LTBP2: variants seen among roughly 807,000 people sequenced by gnomAD.
LTBP2 encodes the protein latent transforming growth factor beta binding protein 2, also known as latent-transforming growth factor beta-binding protein 2.
In LTBP2, 103 loss-of-function variants were observed where a neutral mutation model predicts 210.6. The ratio of observed to expected loss-of-function variants is 0.49; its 90% CI spans 0.42 to 0.58. The LOEUF (loss-of-function observed/expected upper bound fraction) is 0.58. Ranked by LOEUF, LTBP2 falls within the 20% of genes least tolerant of loss-of-function variation. LTBP2 has a pLI of 0.00. For missense variants in LTBP2, 2,313 were observed against 2,494.5 expected (o/e 0.93, Z 1.55); for synonymous variants, 1,007 against 1,015.0 (o/e 0.99, Z 0.15).
At chr14:74,550,482 G>C (rs139071581) in intron 7 of LTBP2, among the ~76,000 whole-genome samples, 1 of 152,172 alleles carries the variant, frequency 6.6e-6, no homozygotes, top group East Asian at 1.9e-4. Flanking sequence ...GAAACTAAGC[G>C]GTTTCCTGGC....
At chr14:74,540,795 TTA>T (rs1190462829) in intron 8 of LTBP2, among the ~76,000 whole-genome samples, 961 of 18,410 alleles carry the variant, frequency 0.052, 24 homozygotes, top group African/African-American at 0.069. Context: ...ATATATATAT[TTA>T]TATATATATA....
intron 20 of LTBP2, 86 bp downstream of exon 20, chr14:74,510,005 T>G (rs577854730): frequency 6.2e-7 from 1 of 1,611,648 alleles, no homozygotes; most frequent in Non-Finnish European, 8.5e-7. Context: ...AGGGGTGGAT[T>G]CAGGGGGCCA....
chr14:74,516,397 T>G (rs1435885291), intron 18 of LTBP2, among the ~76,000 whole-genome samples: 1 of 134,518 alleles, frequency 7.4e-6, no homozygotes, highest in Non-Finnish European at 1.6e-5. Flanking sequence ...ATTTATTGGG[T>G]GCTTATCAGT....
At chr14:74,600,119 C>A (rs897081065) in intron 2 of LTBP2, among the ~76,000 whole-genome samples, 2 of 152,180 alleles carry the variant, frequency 1.3e-5, no homozygotes, top group Non-Finnish European at 2.9e-5. Flanking sequence ...CCACCTTCTG[C>A]GGAGCTCTGG....
chr14:74,506,055 C>A lies in LTBP2; in HGVS notation c.4170G>T (p.Gly1390=), dbSNP rs1301155732. The change falls in exon 28 of 36, where the codon GGG becomes GGT. Residue 1390 remains glycine (G), a synonymous_variant. Transcript: ENST00000261978. ...DAQEGHCRPR[G]AGGQSMSEAP... ...GTGTCTCCCAGGCCTCACCTCCAGC[C>A]CCCCGTGGGCGGCAGTGCCCCTCCT... 10 of 1,614,148 alleles carry A rather than the reference C, an allele frequency of 6.2e-6. No homozygotes were observed. Among genetic ancestry groups the A allele is most frequent in the Non-Finnish European group, 8.5e-6 (10 of 1,180,036 alleles).
In LTBP2 at chr14:74,527,348, T is replaced by C; in HGVS notation, c.2387A>G (p.Gln796Arg). The C allele has an allele frequency of 6.2e-7, 1 of 1,611,544 alleles. No homozygotes were observed. Among genetic ancestry groups the C allele is most frequent in the Non-Finnish European group, 8.5e-7 (1 of 1,179,190 alleles). ...IPDKGDSQAG[Q>R]VTTSVTHAPA... ...CCCCTAGTGGGAGGACGCACTCACC[T>C]GGCCAGCCTGAGAGTCACCTGGAAG... The change falls in exon 13 of 36, where the codon CAG becomes CGG. Residue 796 changes from glutamine to arginine, a missense_variant and splice_region_variant. Gln to Arg is a conservative substitution (Grantham distance 43, BLOSUM62 1). This residue lies in a region of LTBP2 where 1,867 missense variants were observed against 1,976.9 expected (regional missense o/e 0.94). Transcript: ENST00000261978.
chr14:74,585,971 C>T lies in LTBP2; in HGVS notation c.713G>A (p.Arg238His), dbSNP rs943163124. 9.9e-6 allele frequency: 16 copies of T among 1,613,234 alleles called. No individual in the cohort carries two copies. Among genetic ancestry groups the T allele is most frequent in the South Asian group, 2.2e-5 (2 of 90,902 alleles). Residue 238 changes from arginine to histidine, a missense_variant, in exon 3 of 36, where the codon CGC (arginine) becomes CAC (histidine). Coordinates refer to ENST00000261978, the MANE Select transcript of LTBP2 (RefSeq NM_000428.3). Reference protein sequence around the residue: ...DPQNSRLAPRRWAERSPNLRR... With the variant: ...DPQNSRLAPRHWAERSPNLRR... ...CAGGTTGGGTGAACGCTCGGCCCAG[C>T]GTCGAGGTGCCAGCCTGGAGTTCTG...
At chr14:74,592,094 G>A (rs1449853123) in intron 2 of LTBP2, among the ~76,000 whole-genome samples, 1 of 152,162 alleles carries the variant, frequency 6.6e-6, no homozygotes, top group Non-Finnish European at 1.5e-5. Context: ...GGGCAATCGT[G>A]GTTGTGTGTC....
Position 74,552,932 on chromosome 14 carries a change from CTGG to C in LTBP2, c.1149_1151del (p.Ser383_Gln384delinsArg). 1 of 1,613,924 alleles carries C rather than the reference CTGG, an allele frequency of 6.2e-7. No individual in the cohort carries two copies. The highest frequency in any genetic ancestry group is 8.5e-7 in the Non-Finnish European group (1 of 1,179,930). ...ACTTGGGATCGTGCCCATGGCCGCC[CTGG>C]CTGTACAGGGTGGTGGTGTCGCCCC... On this transcript the variant is annotated inframe_deletion, in exon 5 of 36. Transcript: ENST00000261978.
chr14:74,502,523 G>A, intron 34 of LTBP2, 130 bp downstream of exon 34: 1 of 1,284,258 alleles, frequency 7.8e-7, no homozygotes, highest in Non-Finnish European at 1.1e-6. Context: ...CGTGAACGGG[G>A]ACCTCTGGCT....
chr14:74,537,641 T>C (rs2087439081), intron 8 of LTBP2, among the ~76,000 whole-genome samples: 1 of 152,248 alleles, frequency 6.6e-6, no homozygotes, highest in African/African-American at 2.4e-5. Context: ...CTTTCAGTGT[T>C]GTTTGCTAAA....
intron 9 of LTBP2, among the ~76,000 whole-genome samples, chr14:74,533,060 G>A (rs2139724155): frequency 6.6e-6 from 1 of 152,286 alleles, no homozygotes; most frequent in South Asian, 2.1e-4. Context: ...GCCCATGGCT[G>A]GTCTCAAACT....
At chr14:74,587,542 C>T (rs774980056) in intron 2 of LTBP2, among the ~76,000 whole-genome samples, 29 of 151,232 alleles carry the variant, frequency 1.9e-4, no homozygotes, top group Admixed American at 7.9e-4. Context: ...GAGGACGAGG[C>T]GAAGACCAGG....
intron 2 of LTBP2, among the ~76,000 whole-genome samples, chr14:74,599,834 G>C (rs991929469): frequency 3.3e-5 from 5 of 152,378 alleles, no homozygotes; most frequent in African/African-American, 1.2e-4. Flanking sequence ...AGCATGGGCA[G>C]TGGGTTGGGC....
At chr14:74,549,239 C>T (rs1307240580) in intron 8 of LTBP2, among the ~76,000 whole-genome samples, 1 of 152,234 alleles carries the variant, frequency 6.6e-6, no homozygotes, top group Non-Finnish European at 1.5e-5. Context: ...GGGAGAGCAT[C>T]GTGAACAGGC....
chr14:74,601,301 T>C (rs1297279358), intron 2 of LTBP2, among the ~76,000 whole-genome samples: 1 of 152,152 alleles, frequency 6.6e-6, no homozygotes, highest in Non-Finnish European at 1.5e-5. Context: ...AGCCCAGCAC[T>C]TTGGCAGGGT....
intron 8 of LTBP2, among the ~76,000 whole-genome samples, chr14:74,538,488 T>G (rs1274246149): frequency 8.6e-6 from 1 of 116,412 alleles, no homozygotes; most frequent in Non-Finnish European, 2.0e-5. Flanking sequence ...AAGAGCCACC[T>G]CTCCATTTTG....
In LTBP2 at chr14:74,499,387, G is replaced by A; in HGVS notation, c.*1497C>T. The A allele has an allele frequency of 4.5e-6, 1 of 223,494 alleles. No individual in the cohort carries two copies. The highest frequency in any genetic ancestry group is 2.2e-5 in the African/African-American group (1 of 44,948). The allele number at this position is 223,494 out of a possible 1,614,324, so 13.8% of individuals were successfully genotyped here. On this transcript the variant is annotated 3_prime_UTR_variant, in exon 36 of 36. Transcript: ENST00000261978. The stretch of plus-strand genomic sequence containing the variant: ...TAAACAATAGTAAGTAGGATTATTG[G>A]ATAATTAAATGAAATGTATGTATGG...
At chr14:74,562,851 T>C (rs555968667) in intron 3 of LTBP2, among the ~76,000 whole-genome samples, 20 of 152,262 alleles carry the variant, frequency 1.3e-4, no homozygotes, top group Non-Finnish European at 2.1e-4. Context: ...GGAAAGCAAT[T>C]TGGCAACGTC....
Sources: allele counts gnomAD v4.1 joint callset (sites outside exome capture counted in the v4.1 genomes callset), GRCh38; gene constraint gnomAD v4.1.1; regional missense constraint gnomAD v4.1.1; transcripts MANE v1.5; gene names NCBI Gene and HGNC (gene_info 2026-07-23, HGNC 2026-07-21).